The following ROCK2 variants were observed in gnomAD, a reference collection of about 807,000 sequenced individuals.
The protein encoded by ROCK2 is Rho associated coiled-coil containing protein kinase 2, also known as rho-associated protein kinase 2.
Under a neutral mutation model 195.1 loss-of-function variants are expected in ROCK2, and 61 were observed. The ratio of observed to expected loss-of-function variants is 0.31; its 90% CI spans 0.25 to 0.39. The LOEUF (loss-of-function observed/expected upper bound fraction) is 0.39. Among genes scored for constraint, ROCK2 ranks in the 10% least tolerant of loss-of-function variants. The probability of loss-of-function intolerance (pLI) is 1.00; values close to 1 mark genes in which losing one functional copy is unlikely to be tolerated. For synonymous variants in ROCK2, 504 were observed against 545.5 expected, an observed-to-expected ratio of 0.92 and a Z score of 1.06; for missense variants, 1,109 against 1,637.4, an observed-to-expected ratio of 0.68 and a Z score of 5.57.
intron 5 of ROCK2, among the ~76,000 whole-genome samples, chr2:11,229,545 G>C (rs1163288728): frequency 6.8e-6 from 1 of 146,646 alleles, no homozygotes; most frequent in Admixed American, 6.9e-5. Flanking sequence ...CCTAAAACCA[G>C]AGGAAACTTC....
intron 4 of ROCK2, among the ~76,000 whole-genome samples, chr2:11,241,851 T>C (rs1287772601): frequency 6.6e-6 from 1 of 152,194 alleles, no homozygotes; most frequent in Non-Finnish European, 1.5e-5. Flanking sequence ...ACCGTCATCC[T>C]AAGGTGATGG....
chr2:11,269,365 A>G (rs889037020), intron 3 of ROCK2, among the ~76,000 whole-genome samples: 2 of 152,068 alleles, frequency 1.3e-5, no homozygotes, highest in African/African-American at 2.4e-5. Context: ...CACAAAAACT[A>G]GCCAGGTGTG....
In ROCK2 at chr2:11,208,668, G is replaced by A. The variant is rs1300542635; in HGVS notation, c.2204-221C>T. ...GCCGGAGTGCAGTGACGCAATCTCA[G>A]CTCTTTGTAACCTCCTGGATTCAAG... On this transcript the variant is annotated intron_variant, in intron 18 of 32. Transcript: ENST00000315872. Among the ~76,000 whole-genome samples, 5 of 148,450 alleles carry A rather than the reference G, an allele frequency of 3.4e-5. No individual in the cohort carries two copies. In the East Asian group the frequency reaches 7.8e-4, roughly 23 times the overall value.
At chr2:11,279,749 T>C (rs1666938189) in intron 3 of ROCK2, among the ~76,000 whole-genome samples, 1 of 152,198 alleles carries the variant, frequency 6.6e-6, no homozygotes, top group Admixed American at 6.5e-5. Flanking sequence ...CAAACTCTCA[T>C]GGAACGTTCA....
intron 8 of ROCK2, among the ~76,000 whole-genome samples, chr2:11,221,738 G>A (rs764197345): frequency 6.6e-6 from 1 of 152,052 alleles, no homozygotes; most frequent in Non-Finnish European, 1.5e-5. Context: ...AGCAGAGTAT[G>A]GTCTCCATAA....
intron 18 of ROCK2, among the ~76,000 whole-genome samples, chr2:11,208,888 T>C (rs1664154282): frequency 6.6e-6 from 1 of 152,196 alleles, no homozygotes; most frequent in South Asian, 2.1e-4. Flanking sequence ...CCACTGCACC[T>C]GGCCTTAATT....
chr2:11,298,914 T>C (rs1667619874), intron 1 of ROCK2, among the ~76,000 whole-genome samples: 1 of 152,174 alleles, frequency 6.6e-6, no homozygotes, highest in Non-Finnish European at 1.5e-5. Flanking sequence ...TCACTATAGT[T>C]ATTATAAATA....
At chr2:11,343,851 G>T in intron 1 of ROCK2, 145 bp downstream of exon 1, 1 of 983,972 alleles carries the variant, frequency 1.0e-6, no homozygotes, top group Non-Finnish European at 1.4e-6. Context: ...AGAATCGTTT[G>T]GTCTCCGGCC....
At chr2:11,334,573 C>T (rs938430987) in intron 1 of ROCK2, among the ~76,000 whole-genome samples, 1 of 137,112 alleles carries the variant, frequency 7.3e-6, no homozygotes, top group Non-Finnish European at 1.6e-5. Flanking sequence ...AATAGGAAAA[C>T]ATAAAAGACT....
intron 1 of ROCK2, among the ~76,000 whole-genome samples, chr2:11,329,425 CAAAACTTCCCTATACT>C (rs999484227): frequency 2.0e-5 from 3 of 147,676 alleles, no homozygotes; most frequent in African/African-American, 7.5e-5. Flanking sequence ...TCCAGAAAGA[CAAAACTTCCCTATACT>C]AAAAGCTTGT....
rs1558291359 is a variant in ROCK2, at chr2:11,207,914, A to G, written c.2365-4T>C. On this transcript the variant is annotated splice_polypyrimidine_tract_variant and splice_region_variant and intron_variant, in intron 19 of 32. Transcript: ENST00000315872. ...TTTTTAATGTCAGGTTTCTAACCTA[A>G]GAAATAAATTGTGTACTTGGTATAT... is the stretch of plus-strand genomic sequence containing the variant. The G allele has an allele frequency of 2.4e-5, 37 of 1,550,486 alleles. No individual in the cohort carries two copies. Among genetic ancestry groups the G allele is most frequent in the Non-Finnish European group, 3.2e-5 (37 of 1,149,496 alleles).
In ROCK2 at chr2:11,288,821, C is replaced by T. The variant is rs12329341; in HGVS notation, c.142-1085G>A. 8.6e-3 allele frequency among the ~76,000 whole-genome samples: 1,305 copies of T among 152,180 alleles called. 20 individuals carry two copies. Among genetic ancestry groups the T allele is most frequent in the African/African-American group, 0.03 (1,242 of 41,504 alleles). On this transcript the variant is annotated intron_variant, in intron 1 of 32. Coordinates refer to ENST00000315872, the MANE Select transcript of ROCK2 (RefSeq NM_004850.5). ...GTGTGGCAGCACACACCTGTAATCC[C>T]AGCTACTTGGGAGGCTAAGGCAGGA...
intron 1 of ROCK2, among the ~76,000 whole-genome samples, chr2:11,300,049 G>C (rs1667657277): frequency 6.6e-6 from 1 of 152,014 alleles, no homozygotes; most frequent in African/African-American, 2.4e-5. Flanking sequence ...TTCATATTTT[G>C]GTAGCCTATA....
intron 1 of ROCK2, among the ~76,000 whole-genome samples, chr2:11,321,828 T>TG (rs1354342758): frequency 2.0e-5 from 3 of 152,106 alleles, no homozygotes; most frequent in Admixed American, 6.5e-5. Context: ...GATAAATAGA[T>TG]GGATAGTTAC....
chr2:11,229,933 A>G (rs954447345), intron 5 of ROCK2, among the ~76,000 whole-genome samples: 3 of 152,174 alleles, frequency 2.0e-5, no homozygotes, highest in African/African-American at 4.8e-5. Flanking sequence ...AAATTACAAA[A>G]AAGAAAGGAG....
At chr2:11,312,619 G>A (rs1668071769) in intron 1 of ROCK2, among the ~76,000 whole-genome samples, 1 of 152,074 alleles carries the variant, frequency 6.6e-6, no homozygotes, top group Non-Finnish European at 1.5e-5. Context: ...TATTAATAAT[G>A]CATTTGTTAT....
intron 1 of ROCK2, among the ~76,000 whole-genome samples, chr2:11,337,827 G>A (rs1668978799): frequency 6.6e-6 from 1 of 151,474 alleles, no homozygotes; most frequent in South Asian, 2.1e-4. Flanking sequence ...ATTTTTAGTA[G>A]AGATGGGGTT....
intron 5 of ROCK2, among the ~76,000 whole-genome samples, chr2:11,229,779 A>G (rs1482813826): frequency 1.3e-5 from 2 of 152,204 alleles, no homozygotes; most frequent in Admixed American, 6.5e-5. Context: ...GTGTACAAAA[A>G]TAATATATTT....
chr2:11,237,980 A>C (rs1027750560), intron 4 of ROCK2, among the ~76,000 whole-genome samples: 2 of 152,192 alleles, frequency 1.3e-5, no homozygotes, highest in African/African-American at 4.8e-5. Flanking sequence ...CGGGAGGCTG[A>C]GGTGGGAGAA....
Sources: gnomAD v4.1 joint callset for allele counts (sites outside exome capture counted in the v4.1 genomes callset) on GRCh38, gnomAD v4.1.1 for gene constraint, MANE v1.5 for transcripts, NCBI Gene and HGNC (gene_info 2026-07-23, HGNC 2026-07-21) for gene names.